The following WIPF1 variants were observed in gnomAD, a reference collection of about 807,000 sequenced individuals.
WIPF1 encodes the protein WAS/WASL-interacting protein family member 1.
Under a neutral mutation model 35.4 loss-of-function variants are expected in WIPF1, and 13 were observed. That is an observed-to-expected ratio of 0.37 (90% CI 0.24 to 0.58). The LOEUF (loss-of-function observed/expected upper bound fraction) is 0.58, where lower values mean the gene tolerates loss of function less well. WIPF1 is among the 20% of genes least tolerant of loss of function. The pLI is 0.74. For synonymous variants in WIPF1, 267 were observed against 266.3 expected (o/e 1.00, Z -0.02); for missense variants, 591 against 667.0 (o/e 0.89, Z 1.25).
upstream of WIPF1, among the ~76,000 whole-genome samples, chr2:174,600,897 T>C (rs1685981594): frequency 6.9e-6 from 1 of 145,276 alleles, no homozygotes; most frequent in Non-Finnish European, 1.5e-5. Context: ...CGAATTCTAC[T>C]ACAGCATAAT....
intron 1 of WIPF1, among the ~76,000 whole-genome samples, chr2:174,664,761 C>T (rs1392831119): frequency 6.6e-6 from 1 of 152,172 alleles, no homozygotes; most frequent in Non-Finnish European, 1.5e-5. Context: ...TGCAGTTCTG[C>T]TACATAACCT....
intron 1 of WIPF1, among the ~76,000 whole-genome samples, chr2:174,632,041 C>A (rs1033622734): frequency 1.3e-5 from 2 of 152,188 alleles, no homozygotes; most frequent in Non-Finnish European, 2.9e-5. Flanking sequence ...TTCCTCCCCA[C>A]AAAATTTACC....
At chr2:174,627,590 G>A (rs1354189467) in intron 1 of WIPF1, among the ~76,000 whole-genome samples, 7 of 148,998 alleles carry the variant, frequency 4.7e-5, no homozygotes, top group Non-Finnish European at 1.0e-4. Context: ...ACCCAGGCTG[G>A]AGTGCAGTGG....
At chr2:174,616,130 C>A (rs1397708793) in intron 1 of WIPF1, among the ~76,000 whole-genome samples, 1 of 152,106 alleles carries the variant, frequency 6.6e-6, no homozygotes, top group Non-Finnish European at 1.5e-5. Context: ...CAAAAAGCAT[C>A]TGTATATGGC....
intron 5 of WIPF1, 82 bp from the exon 6 acceptor site, chr2:174,568,155 G>A: frequency 7.1e-7 from 1 of 1,404,944 alleles, no homozygotes; most frequent in Non-Finnish European, 9.5e-7. Flanking sequence ...CAGCTGATGA[G>A]GACTTGCTGG....
At chr2:174,651,866 A>C (rs1687539970) in intron 1 of WIPF1, among the ~76,000 whole-genome samples, 1 of 152,212 alleles carries the variant, frequency 6.6e-6, no homozygotes, top group Non-Finnish European at 1.5e-5. Flanking sequence ...CTGTGGTCTT[A>C]GCTGGGGTCA....
In WIPF1 at chr2:174,567,858, C is replaced by A; in HGVS notation, c.1342+3G>T. On this transcript the variant is annotated splice_donor_region_variant and intron_variant, in intron 6 of 7. Coordinates refer to ENST00000679041, the MANE Select transcript of WIPF1 (RefSeq NM_001375834.1). ...AGCCCAGGGAGCTGGGACCACACCT[C>A]ACCTTCACATGGAGAGTCTTGGAAG... 6.4e-7 allele frequency: 1 copy of A among 1,572,844 alleles called. No individual in the cohort carries two copies. The highest frequency in any genetic ancestry group is 8.6e-7 in the Non-Finnish European group (1 of 1,157,632).
At chr2:174,576,332 C>G (rs1193864327) in intron 3 of WIPF1, among the ~76,000 whole-genome samples, 1 of 149,412 alleles carries the variant, frequency 6.7e-6, no homozygotes, top group African/African-American at 2.5e-5. Context: ...AAATTAAGAA[C>G]AAATTCACTA....
rs370671873 is a variant in WIPF1 at position 174,648,003 on chromosome 2, G to A, written c.-39+34771C>T. ...AAGATTTATTCAGGTTACAATTAGAGAGTGGGTTACATCCATTTGAGCAAC... is the reference window on the plus strand; with the variant it reads ...AAGATTTATTCAGGTTACAATTAGAAAGTGGGTTACATCCATTTGAGCAAC... On this transcript the variant is annotated intron_variant, in intron 1 of 8. Coordinates refer to the WIPF1 transcript ENST00000272746. Among the ~76,000 whole-genome samples, 6 of 152,210 alleles carry A rather than the reference G, an allele frequency of 3.9e-5. No homozygotes were observed. The South Asian group carries it at 1.2e-3, about 32-fold the overall frequency.
rs368381822 is a variant in WIPF1 at position 174,562,553 on chromosome 2, C to T, written c.1506G>A (p.Pro502=). ...AGAGAAGAGCAGGCAAAGATCACCT[C>T]GGGATGGGAGGGAGTGGTGGAGCAC... ...ERGAPPLPPI[P]R The change falls in exon 8 of 8, where the codon CCG becomes CCA. Residue 502 remains proline (P), a synonymous_variant. Transcript: ENST00000679041. The T allele has an allele frequency of 2.9e-5, 47 of 1,614,060 alleles. No homozygotes were observed. Among genetic ancestry groups the T allele is most frequent in the South Asian group, 2.3e-4 (21 of 91,088 alleles).
At chr2:174,619,486 T>C (rs959417117) in intron 1 of WIPF1, among the ~76,000 whole-genome samples, 2 of 152,220 alleles carry the variant, frequency 1.3e-5, no homozygotes, top group African/African-American at 4.8e-5. Flanking sequence ...ATTGTGCTAA[T>C]GTCAATATCT....
At chr2:174,612,393 C>T (rs1470615485) in intron 1 of WIPF1, among the ~76,000 whole-genome samples, 1 of 152,086 alleles carries the variant, frequency 6.6e-6, no homozygotes, top group Non-Finnish European at 1.5e-5. Flanking sequence ...AGTTGCATAT[C>T]TCATTTTCTG....
chr2:174,634,842 G>C (rs1010595543), intron 1 of WIPF1, among the ~76,000 whole-genome samples: 1 of 152,190 alleles, frequency 6.6e-6, no homozygotes, highest in Non-Finnish European at 1.5e-5. Flanking sequence ...AGGGGGAAGG[G>C]AGAGACAGTC....
intron 1 of WIPF1, among the ~76,000 whole-genome samples, chr2:174,633,752 A>C (rs535543707): frequency 7.9e-5 from 12 of 152,262 alleles, no homozygotes; most frequent in Admixed American, 7.2e-4. Flanking sequence ...TCTAGGAAGC[A>C]CAAGGCTGAA....
chr2:174,675,827 T>C (rs987167914), intron 1 of WIPF1, among the ~76,000 whole-genome samples: 1 of 22,932 alleles, frequency 4.4e-5, no homozygotes, highest in Middle Eastern at 0.015. Flanking sequence ...GTGTGTGGGG[T>C]GGAGGCGGGG....
intron 1 of WIPF1, among the ~76,000 whole-genome samples, chr2:174,677,370 G>A (rs1011914020): frequency 1.3e-5 from 2 of 152,154 alleles, no homozygotes; most frequent in African/African-American, 2.4e-5. Context: ...ACTGTTTTGA[G>A]AAAATACAAA....
chr2:174,656,719 G>A (rs1450322536), intron 1 of WIPF1, among the ~76,000 whole-genome samples: 1 of 152,152 alleles, frequency 6.6e-6, no homozygotes, highest in Non-Finnish European at 1.5e-5. Flanking sequence ...CCTCTTACTT[G>A]CCAGCAGAGC....
At chr2:174,669,387 T>A (rs1687958296) in intron 1 of WIPF1, among the ~76,000 whole-genome samples, 1 of 152,204 alleles carries the variant, frequency 6.6e-6, no homozygotes, top group African/African-American at 2.4e-5. Context: ...GAATTCTTAG[T>A]TAATAAACCA....
chr2:174,647,212 AT>A lies in WIPF1; in HGVS notation c.-39+35561del, dbSNP rs778959094. Among the ~76,000 whole-genome samples the A allele has an allele frequency of 3.3e-3, 467 of 142,464 alleles. 2 individuals carry two copies. Among genetic ancestry groups the A allele is most frequent in the African/African-American group, 3.0e-3 (119 of 39,050 alleles). 93.5% of individuals were successfully genotyped at this position (142,464 alleles called of 152,430 possible). On this transcript the variant is annotated intron_variant, in intron 1 of 8. Coordinates refer to the WIPF1 transcript ENST00000272746. ...CAGAGCGACATCCTGTCTCCAAAACATTTTTTTTTTTTTTAATTAGCCATGC... is the reference window on the plus strand; with the variant it reads ...CAGAGCGACATCCTGTCTCCAAAACATTTTTTTTTTTTTAATTAGCCATGC...
Sources: gnomAD v4.1 joint callset for allele counts (sites outside exome capture counted in the v4.1 genomes callset) on GRCh38, gnomAD v4.1.1 for gene constraint, MANE v1.5 for transcripts, NCBI Gene and HGNC (gene_info 2026-07-23, HGNC 2026-07-21) for gene names.